Variants in MPHOSPH8 observed in about 807,000 individuals in gnomAD.
MPHOSPH8 encodes the protein M-phase phosphoprotein 8.
MPHOSPH8 carries 45 observed loss-of-function variants against 87.3 expected under a neutral mutation model. The observed-to-expected ratio is 0.52, with a 90% CI of 0.41 to 0.66. MPHOSPH8 has a LOEUF of 0.66. Ranked by LOEUF, MPHOSPH8 falls within the 30% of genes least tolerant of loss-of-function variation. MPHOSPH8 has a pLI of 0.00. For synonymous variants in MPHOSPH8, 366 were observed against 376.9 expected (o/e 0.97, Z 0.33); for missense variants, 883 against 1,020.2 (o/e 0.87, Z 1.83).
intron 12 of MPHOSPH8, chr13:19,670,926 C>A: frequency 1.1e-6 from 1 of 952,142 alleles, no homozygotes. Context: ...CACAAGCAAT[C>A]CTCCCACCTC....
intron 2 of MPHOSPH8, among the ~76,000 whole-genome samples, chr13:19,644,161 CTGTT>C (rs887300780): frequency 1.3e-5 from 2 of 152,008 alleles, no homozygotes; most frequent in Non-Finnish European, 2.9e-5. Context: ...GTTCATTTGT[CTGTT>C]TGTATTCAGT....
At chr13:19,639,339 C>G (rs1290929092) in intron 1 of MPHOSPH8, among the ~76,000 whole-genome samples, 1 of 150,492 alleles carries the variant, frequency 6.6e-6, no homozygotes, top group Admixed American at 6.6e-5. Context: ...GAGATGGAAT[C>G]TTGCTCTGTC....
intron 5 of MPHOSPH8, among the ~76,000 whole-genome samples, chr13:19,652,639 C>G (rs574054469): frequency 6.6e-6 from 1 of 152,100 alleles, no homozygotes; most frequent in Non-Finnish European, 1.5e-5. Flanking sequence ...TCTGGCTTGG[C>G]GGGTCCCACC....
At chr13:19,644,082 T>C (rs1874445637) in intron 2 of MPHOSPH8, among the ~76,000 whole-genome samples, 1 of 152,256 alleles carries the variant, frequency 6.6e-6, no homozygotes, top group South Asian at 2.1e-4. Flanking sequence ...TCTTAGAATA[T>C]ATGCACTGTT....
At chr13:19,670,696 A>C (rs1038311177) in intron 12 of MPHOSPH8, 7 of 1,042,598 alleles carry the variant, frequency 6.7e-6, no homozygotes, top group Non-Finnish European at 7.3e-6. Context: ...TGAATTAAGC[A>C]AAATTTGCTA....
intron 2 of MPHOSPH8, among the ~76,000 whole-genome samples, chr13:19,644,994 T>C (rs1288172937): frequency 5.3e-5 from 8 of 152,220 alleles, no homozygotes; most frequent in African/African-American, 1.9e-4. Flanking sequence ...TTAGATCTTT[T>C]GTTTCTGTCT....
Position 19,668,448 on chromosome 13 carries a change from T to C in MPHOSPH8, c.2246T>C (p.Phe749Ser), listed in dbSNP as rs746777701. ...EARLALLEPV[F>S]PIACHRLCEG... is the part of the protein sequence containing the mutation. ...CGCCTTGCTCTGCTAGAACCAGTTT[T>C]TCCAATCGCATGTCATCGACTCTGT... Residue 749 changes from phenylalanine to serine, a missense_variant, in exon 11 of 14, where the codon TTT (phenylalanine) becomes TCT (serine). Phe to Ser is a radical substitution (Grantham distance 155). Transcript: ENST00000361479. 2.7e-5 allele frequency: 43 copies of C among 1,614,150 alleles called. No individual in the cohort carries two copies. Among genetic ancestry groups the C allele is most frequent in the Non-Finnish European group, 3.6e-5 (43 of 1,179,984 alleles).
In MPHOSPH8 at chr13:19,651,596, G is replaced by A. The variant is rs563497388; in HGVS notation, c.1576+1336G>A. Among the ~76,000 whole-genome samples, 73 of 151,848 alleles carry A rather than the reference G, an allele frequency of 4.8e-4. 1 individual carries two copies. The highest frequency in any genetic ancestry group is 1.2e-3 in the African/African-American group (48 of 41,428). The stretch of plus-strand genomic sequence containing the variant: ...CTATAGTCACAGCTACTCTGGAGGC[G>A]AGGCAGGAGGATCAATAAGCCCAGG... On this transcript the variant is annotated intron_variant, in intron 5 of 13. Coordinates refer to ENST00000361479, the MANE Select transcript of MPHOSPH8 (RefSeq NM_017520.4).
chr13:19,640,874 A>G lies in MPHOSPH8; in HGVS notation c.214-1241A>G, dbSNP rs1490597211. ...ATCTTAAGTCACTAAAGAGCGTTTG[A>G]AAAGTTATAACAAAAAGTGCTTGAT... is the stretch of plus-strand genomic sequence containing the variant. On this transcript the variant is annotated intron_variant, in intron 1 of 13. Coordinates refer to ENST00000361479, the MANE Select transcript of MPHOSPH8 (RefSeq NM_017520.4). Among the ~76,000 whole-genome samples the G allele has an allele frequency of 2.0e-5, 3 of 152,324 alleles. No individual in the cohort carries two copies. The East Asian group carries it at 5.8e-4, about 29-fold the overall frequency.
In MPHOSPH8 at chr13:19,659,267, A is replaced by C. The variant is rs772430497; in HGVS notation, c.1769A>C (p.Glu590Ala). The C allele has an allele frequency of 6.2e-7, 1 of 1,611,176 alleles. No individual in the cohort carries two copies. The highest frequency in any genetic ancestry group is 8.5e-7 in the Non-Finnish European group (1 of 1,178,878). The change falls in exon 7 of 14, where the codon GAA (glutamate) becomes GCA (alanine). Residue 590 changes from glutamate (E) to alanine (A), a missense_variant. Around this residue, in one of 3 missense-constraint regions of MPHOSPH8, gnomAD observed 741 missense variants for 841.5 expected, o/e 0.88. Coordinates refer to ENST00000361479, the MANE Select transcript of MPHOSPH8 (RefSeq NM_017520.4). ...ITVKVALNSN[E>A]EYNLDQEDSS... is the part of the protein sequence containing the mutation. ...GTAAAAGTTGCACTTAATTCAAATG[A>C]AGAATATAACCTGGACCAAGAGGTA...
In MPHOSPH8 at chr13:19,652,069, C is replaced by A. The variant is rs757778473; in HGVS notation, c.1576+1809C>A. 1.2e-4 allele frequency among the ~76,000 whole-genome samples: 18 copies of A among 152,166 alleles called. 1 individual carries two copies. The East Asian group carries it at 3.5e-3, about 29-fold the overall frequency. The stretch of plus-strand genomic sequence containing the variant: ...GTGAGCCAAGATCACGTCACTGCAC[C>A]CCAGCCTGGGCAACAGTGCGAGTCT... On this transcript the variant is annotated intron_variant, in intron 5 of 13. Transcript: ENST00000361479.
chr13:19,638,678 G>C (rs1359813257), intron 1 of MPHOSPH8, among the ~76,000 whole-genome samples: 1 of 152,020 alleles, frequency 6.6e-6, no homozygotes, highest in East Asian at 1.9e-4. Flanking sequence ...ATTCTACTCA[G>C]TGCTTGTACT....
rs1382927841 is a variant in MPHOSPH8, at chr13:19,648,908, C to CA, written c.1318+388dup. Among the ~76,000 whole-genome samples the CA allele has an allele frequency of 2.6e-5, 4 of 151,950 alleles. No individual in the cohort carries two copies. In the East Asian group the frequency reaches 7.7e-4, roughly 29 times the overall value. On this transcript the variant is annotated intron_variant, in intron 4 of 13. Coordinates refer to ENST00000361479, the MANE Select transcript of MPHOSPH8 (RefSeq NM_017520.4). ...TATTTCTTGAAAACAAACAAAAAAA[C>CA]ACCATTACAGTGTTTGAATAAACCC...
At chr13:19,653,019 C>T (rs1462793037) in intron 5 of MPHOSPH8, among the ~76,000 whole-genome samples, 33 of 151,998 alleles carry the variant, frequency 2.2e-4, no homozygotes, top group Non-Finnish European at 1.2e-4. Context: ...CAGACTTAAA[C>T]GTCCCTGCCT....
At chr13:19,647,609 C>T (rs979290601) in intron 3 of MPHOSPH8, among the ~76,000 whole-genome samples, 4 of 152,122 alleles carry the variant, frequency 2.6e-5, no homozygotes, top group African/African-American at 9.7e-5. Flanking sequence ...CTTTTCACAT[C>T]CTGCTTGGTC....
intron 5 of MPHOSPH8, among the ~76,000 whole-genome samples, chr13:19,653,086 G>A (rs1874950089): frequency 6.6e-6 from 1 of 152,144 alleles, no homozygotes; most frequent in African/African-American, 2.4e-5. Context: ...TCTGCTAAGG[G>A]TCAGACTGCC....
chr13:19,662,950 T>C (rs191347166), intron 8 of MPHOSPH8, 90 bp from the exon 9 acceptor site: 28 of 1,140,704 alleles, frequency 2.5e-5, no homozygotes, highest in Non-Finnish European at 3.2e-5. Context: ...CTGCTGGGTA[T>C]TTTTCCTGAT....
At chr13:19,658,019 A>G (rs183026974) in intron 5 of MPHOSPH8, among the ~76,000 whole-genome samples, 32 of 152,346 alleles carry the variant, frequency 2.1e-4, no homozygotes, top group Non-Finnish European at 3.4e-4. Context: ...CATGTAAATA[A>G]GTTAACATGT....
chr13:19,659,839 C>T (rs961319326), intron 7 of MPHOSPH8, among the ~76,000 whole-genome samples: 3 of 151,806 alleles, frequency 2.0e-5, no homozygotes, highest in African/African-American at 4.8e-5. Context: ...CTCTTGAGAG[C>T]GTAGAGTGAG....
Sources: allele counts gnomAD v4.1 joint callset (sites outside exome capture counted in the v4.1 genomes callset), GRCh38; gene constraint gnomAD v4.1.1; regional missense constraint gnomAD v4.1.1; transcripts MANE v1.5; gene names NCBI Gene and HGNC (gene_info 2026-07-23, HGNC 2026-07-21).